Variants in ANKS1A observed in about 807,000 individuals in gnomAD.
ANKS1A encodes ankyrin repeat and SAM domain-containing protein 1A.
In ANKS1A, 55 loss-of-function variants were observed where a neutral mutation model predicts 120.3. The observed-to-expected ratio is 0.46, with a 90% CI of 0.37 to 0.57. The LOEUF (loss-of-function observed/expected upper bound fraction) is 0.57, where lower values mean the gene tolerates loss of function less well. Among genes scored for constraint, ANKS1A ranks in the 20% least tolerant of loss-of-function variants. The probability of loss-of-function intolerance (pLI) is 0.00; values close to 1 mark genes in which losing one functional copy is unlikely to be tolerated. For missense variants in ANKS1A, 1,123 were observed against 1,480.3 expected (o/e 0.76, Z 3.96); for synonymous variants, 590 against 604.7 (o/e 0.98, Z 0.36).
At chr6:35,097,653 A>AC in the ANKS1A span, among the ~76,000 whole-genome samples, 1 of 143,952 alleles carries the variant, frequency 6.9e-6, no homozygotes, top group African/African-American at 2.7e-5. Flanking sequence ...AAAAAAAAAA[A>AC]AAAAACACAT....
At chr6:35,078,751 C>T in intron 14 of ANKS1A, 95 bp downstream of exon 14, 1 of 1,181,454 alleles carries the variant, frequency 8.5e-7, no homozygotes, top group Non-Finnish European at 1.2e-6. Flanking sequence ...AGCAGGGCTC[C>T]AGCACACGCA....
At position 35,089,063 on chromosome 6, in the gene ANKS1A, C is replaced by T. The variant is rs537028962; in HGVS notation, c.*454C>T. ...GGAACTTGGGTGCAGCTCAGTGGGT[C>T]GGAAGAGAAGGCGGTGGCCTGTGGG... is the stretch of plus-strand genomic sequence containing the variant. On this transcript the variant is annotated 3_prime_UTR_variant, in exon 24 of 24. Coordinates refer to ENST00000360359, the MANE Select transcript of ANKS1A (RefSeq NM_015245.3). 28 of 1,054,346 alleles carry T rather than the reference C, an allele frequency of 2.7e-5. No homozygotes were observed. In the East Asian group the frequency reaches 1.6e-3, roughly 60 times the overall value. 65.3% of individuals were successfully genotyped at this position (1,054,346 alleles called of 1,614,324 possible). A position where few individuals can be genotyped will look rare whatever the true frequency, so the allele number is the denominator to read the frequency against.
intron 11 of ANKS1A, among the ~76,000 whole-genome samples, chr6:35,028,371 G>T (rs1484482026): frequency 6.6e-6 from 1 of 151,110 alleles, no homozygotes; most frequent in African/African-American, 2.4e-5. Flanking sequence ...CAGCCTCAAG[G>T]TCATAGGCTG....
At chr6:34,925,771 C>T (rs1193691137) in intron 1 of ANKS1A, among the ~76,000 whole-genome samples, 1 of 152,164 alleles carries the variant, frequency 6.6e-6, no homozygotes, top group South Asian at 2.1e-4. Flanking sequence ...AATTTTGGCA[C>T]CTTCCCCATC....
intron 11 of ANKS1A, among the ~76,000 whole-genome samples, chr6:35,026,049 T>C (rs1486202823): frequency 6.6e-6 from 1 of 152,188 alleles, no homozygotes; most frequent in Non-Finnish European, 1.5e-5. Context: ...TGGGTGACAA[T>C]GAATGTAGGT....
intron 1 of ANKS1A, among the ~76,000 whole-genome samples, chr6:34,894,500 A>G (rs549800982): frequency 6.9e-4 from 105 of 152,174 alleles, no homozygotes; most frequent in African/African-American, 2.4e-3. Context: ...AAAAATACAA[A>G]CATTAGCCAG....
intron 1 of ANKS1A, among the ~76,000 whole-genome samples, chr6:34,894,678 GA>G (rs956911162): frequency 2.6e-5 from 4 of 151,782 alleles, no homozygotes; most frequent in African/African-American, 9.7e-5. Flanking sequence ...AAAAAAAGAA[GA>G]AAAAAGAAAA....
intron 1 of ANKS1A, among the ~76,000 whole-genome samples, chr6:34,907,232 G>A (rs1280577667): frequency 6.6e-6 from 1 of 152,178 alleles, no homozygotes; most frequent in Non-Finnish European, 1.5e-5. Flanking sequence ...TGGAACAAGG[G>A]ACATGAATGT....
chr6:34,893,753 A>T (rs1465607492), intron 1 of ANKS1A, among the ~76,000 whole-genome samples: 4 of 152,214 alleles, frequency 2.6e-5, no homozygotes, highest in African/African-American at 9.7e-5. Context: ...AGCATAATTT[A>T]TCCTACCTCC....
chr6:35,065,451 C>G (rs1282473105), intron 13 of ANKS1A, among the ~76,000 whole-genome samples: 1 of 151,974 alleles, frequency 6.6e-6, no homozygotes, highest in Non-Finnish European at 1.5e-5. Flanking sequence ...TGATTGCTGG[C>G]CTCGTTGTGA....
chr6:34,889,617 C>A lies in ANKS1A; in HGVS notation c.197+18C>A, dbSNP rs986418600. 9.4e-6 allele frequency: 12 copies of A among 1,283,300 alleles called. No homozygotes were observed. In the African/African-American group the frequency reaches 1.2e-4, roughly 13 times the overall value. The allele number at this position is 1,283,300 out of a possible 1,614,324, so 79.5% of individuals were successfully genotyped here. ...CTGCTCAGGTGGGTACGCGCCAGGG[C>A]CGGGCCGCTGCCTGCAGACCCTTTC... On this transcript the variant is annotated intron_variant, in intron 1 of 23. Transcript: ENST00000360359. This position sits in a 1 kb window ranked among gnomAD's most constrained non-coding sequence, Gnocchi z 5.5.
intron 2 of ANKS1A, 88 bp downstream of exon 2, chr6:34,967,407 G>A: frequency 7.3e-7 from 1 of 1,365,302 alleles, no homozygotes; most frequent in Non-Finnish European, 1.0e-6. Context: ...AAGTTTGCTG[G>A]CTGAGCTTAG....
At chr6:34,908,439 T>G (rs992742567) in intron 1 of ANKS1A, among the ~76,000 whole-genome samples, 1 of 152,166 alleles carries the variant, frequency 6.6e-6, no homozygotes, top group Admixed American at 6.5e-5. Flanking sequence ...CGTCATGGGA[T>G]TGGATGCTGG....
chr6:34,966,229 A>G (rs1353214322), intron 1 of ANKS1A, among the ~76,000 whole-genome samples: 1 of 152,224 alleles, frequency 6.6e-6, no homozygotes, highest in Non-Finnish European at 1.5e-5. Context: ...GAATTTACCA[A>G]TAAGGTCATA....
chr6:34,905,791 C>G (rs6905263), intron 1 of ANKS1A, among the ~76,000 whole-genome samples: 1 of 152,096 alleles, frequency 6.6e-6, no homozygotes, highest in Admixed American at 6.6e-5. Flanking sequence ...ACTACCTGAA[C>G]GAAATCCTTA....
intron 11 of ANKS1A, among the ~76,000 whole-genome samples, chr6:35,040,346 G>A (rs1775393827): frequency 6.6e-6 from 1 of 152,214 alleles, no homozygotes; most frequent in African/African-American, 2.4e-5. Flanking sequence ...TGCTGAATCT[G>A]CAGCTGCCTG....
rs34668159 is a variant in ANKS1A at position 34,950,223 on chromosome 6, T to TC, written c.198-17016_198-17015insC. Among the ~76,000 whole-genome samples the TC allele has an allele frequency of 2.0e-3, 105 of 51,882 alleles. No homozygotes were observed. The African/African-American group carries it at 0.029, about 14-fold the overall frequency. 34.0% of individuals were successfully genotyped at this position (51,882 alleles called of 152,430 possible). A position where few individuals can be genotyped will look rare whatever the true frequency, so the allele number is the denominator to read the frequency against. On this transcript the variant is annotated intron_variant, in intron 1 of 23. Transcript: ENST00000360359. Reference sequence around the variant, plus strand: ...AAGGAAGAGGTTTTTCTTTTCTCTCTTTTTTTTTTTTTTTTTTTTTTGGGA... The same window carrying TC: ...AAGGAAGAGGTTTTTCTTTTCTCTCTCTTTTTTTTTTTTTTTTTTTTTGGGA...
At chr6:34,926,682 T>C (rs1403005711) in intron 1 of ANKS1A, among the ~76,000 whole-genome samples, 1 of 152,172 alleles carries the variant, frequency 6.6e-6, no homozygotes, top group Non-Finnish European at 1.5e-5. Flanking sequence ...AATGGCTCAT[T>C]GCAGCCTTGT....
chr6:34,994,445 C>A (rs1772742004), intron 10 of ANKS1A, 23 bp downstream of exon 10: 1 of 1,606,370 alleles, frequency 6.2e-7, no homozygotes, highest in Middle Eastern at 1.7e-4. Context: ...CAACTCCTGG[C>A]AGAACCAACT....
Sources: allele counts gnomAD v4.1 joint callset (sites outside exome capture counted in the v4.1 genomes callset), GRCh38; gene constraint gnomAD v4.1.1; non-coding constraint Gnocchi (gnomAD v3.1); transcripts MANE v1.5; gene names NCBI Gene and HGNC (gene_info 2026-07-23, HGNC 2026-07-21).